GNAQ: variants seen among roughly 807,000 people sequenced by gnomAD.
GNAQ encodes guanine nucleotide-binding protein G(q) subunit alpha.
In GNAQ, 8 loss-of-function variants were observed where a neutral mutation model predicts 43.9. That is an observed-to-expected ratio of 0.18 (90% CI 0.11 to 0.33). GNAQ has a LOEUF of 0.33. Among genes scored for constraint, GNAQ ranks in the 10% least tolerant of loss-of-function variants. The probability of loss-of-function intolerance (pLI) is 1.00; values close to 1 mark genes in which losing one functional copy is unlikely to be tolerated. For missense variants in GNAQ, 158 were observed against 450.8 expected (o/e 0.35, Z 5.88); for synonymous variants, 155 against 170.7 (o/e 0.91, Z 0.71).
chr9:77,725,076 T>C (rs1825377449), intron 6 of GNAQ, among the ~76,000 whole-genome samples: 1 of 152,094 alleles, frequency 6.6e-6, no homozygotes, highest in Admixed American at 6.6e-5. Context: ...AGGAAGGGAC[T>C]ATACCTTTTT....
chr9:77,982,532 T>C (rs979829566), intron 1 of GNAQ, among the ~76,000 whole-genome samples: 3 of 152,168 alleles, frequency 2.0e-5, no homozygotes, highest in African/African-American at 4.8e-5. Context: ...ACCACCATTC[T>C]ATCTTAGAAG....
intron 5 of GNAQ, among the ~76,000 whole-genome samples, chr9:77,766,604 G>C (rs1826140936): frequency 6.6e-6 from 1 of 152,106 alleles, no homozygotes; most frequent in South Asian, 2.1e-4. Context: ...TGTGTTCCAG[G>C]CTGGGCTCAA....
rs921425299 is a variant in GNAQ at position 77,830,262 on chromosome 9, T to C, written c.322-14492A>G. 3.9e-5 allele frequency among the ~76,000 whole-genome samples: 6 copies of C among 152,132 alleles called. No individual in the cohort carries two copies. The South Asian group carries it at 1.2e-3, about 32-fold the overall frequency. ...GCCACTGTGGTTGGCCTGGCCAAGG[T>C]TTTCTAATGCCCCCCCAAGTGGTCT... On this transcript the variant is annotated intron_variant, in intron 2 of 6. Transcript: ENST00000286548.
intron 1 of GNAQ, among the ~76,000 whole-genome samples, chr9:78,028,890 G>GT (rs143512647): frequency 0.06 from 9,071 of 152,186 alleles, 310 homozygotes; most frequent in African/African-American, 0.065. Flanking sequence ...CAGAAATAGT[G>GT]TAAGTATTGT....
chr9:77,812,373 T>G (rs1826942849), intron 3 of GNAQ, among the ~76,000 whole-genome samples: 1 of 152,130 alleles, frequency 6.6e-6, no homozygotes, highest in Non-Finnish European at 1.5e-5. Flanking sequence ...GGTAAACAAG[T>G]GTACAACATC....
chr9:77,977,019 G>A (rs560830823), intron 1 of GNAQ, among the ~76,000 whole-genome samples: 1 of 152,286 alleles, frequency 6.6e-6, no homozygotes, highest in African/African-American at 2.4e-5. Flanking sequence ...AGAGAAATCT[G>A]CAGCTACAAT....
chr9:78,008,681 T>C (rs1253297775), intron 1 of GNAQ, among the ~76,000 whole-genome samples: 2 of 152,154 alleles, frequency 1.3e-5, no homozygotes, highest in Non-Finnish European at 2.9e-5. Flanking sequence ...TACAGTAGCA[T>C]GATCTCAGCT....
intron 1 of GNAQ, among the ~76,000 whole-genome samples, chr9:77,966,897 G>A (rs1453768394): frequency 6.6e-6 from 1 of 152,144 alleles, no homozygotes; most frequent in Admixed American, 6.5e-5. Context: ...CTGCCCACCA[G>A]GTCCACTGCC....
At chr9:77,746,523 T>C (rs1251083401) in intron 5 of GNAQ, among the ~76,000 whole-genome samples, 1 of 151,926 alleles carries the variant, frequency 6.6e-6, no homozygotes. Context: ...GTCAGTGAAT[T>C]AGAAAAGAAT....
At position 77,942,387 on chromosome 9, in the gene GNAQ, A is replaced by G. The variant is rs1448024545; in HGVS notation, c.137-20042T>C. ...GGAATGATTTTACTAGTGAGCCATTAGCAGAACATGTTTTGGGTTGAGTTG... is the reference window on the plus strand; with the variant it reads ...GGAATGATTTTACTAGTGAGCCATTGGCAGAACATGTTTTGGGTTGAGTTG... On this transcript the variant is annotated intron_variant, in intron 1 of 6. Transcript: ENST00000286548. Among the ~76,000 whole-genome samples the G allele has an allele frequency of 2.6e-5, 4 of 152,238 alleles. No homozygotes were observed. The East Asian group carries it at 7.7e-4, about 29-fold the overall frequency.
chr9:77,904,351 G>A (rs1470694226), intron 2 of GNAQ, among the ~76,000 whole-genome samples: 1 of 46,652 alleles, frequency 2.1e-5, no homozygotes, highest in Non-Finnish European at 3.6e-5. Context: ...TTTTTTTTGT[G>A]AGACAGAGTC....
intron 2 of GNAQ, among the ~76,000 whole-genome samples, chr9:77,846,961 T>G (rs957500222): frequency 6.6e-6 from 1 of 152,090 alleles, no homozygotes; most frequent in African/African-American, 2.4e-5. Context: ...ACCCAAGAAC[T>G]CGCCACCCCT....
rs565178869 is a variant in GNAQ at position 77,913,142 on chromosome 9, T to C, written c.321+9019A>G. 1.6e-3 allele frequency among the ~76,000 whole-genome samples: 244 copies of C among 152,194 alleles called. 2 individuals are homozygous for C. Among genetic ancestry groups the C allele is most frequent in the African/African-American group, 5.0e-3 (207 of 41,514 alleles). ...GGCAGTATCTACGTACTAAAACTGA[T>C]TATATGCATACTTTCTGACTCAGGA... On this transcript the variant is annotated intron_variant, in intron 2 of 6. Transcript: ENST00000286548.
chr9:77,983,883 G>C (rs1239369458), intron 1 of GNAQ, among the ~76,000 whole-genome samples: 2 of 151,748 alleles, frequency 1.3e-5, no homozygotes, highest in South Asian at 2.1e-4. Flanking sequence ...TCCACTCCAA[G>C]AGACAGGAAG....
chr9:77,996,417 C>T (rs910741497), intron 1 of GNAQ, among the ~76,000 whole-genome samples: 7 of 152,190 alleles, frequency 4.6e-5, no homozygotes, highest in South Asian at 4.1e-4. Context: ...CGGTGGCTCA[C>T]GCCTGTAATC....
chr9:77,976,257 C>T (rs1044134578), intron 1 of GNAQ, among the ~76,000 whole-genome samples: 1 of 152,224 alleles, frequency 6.6e-6, no homozygotes, highest in Non-Finnish European at 1.5e-5. Context: ...ATGTTCAGCT[C>T]ATTTTCAACA....
intron 5 of GNAQ, among the ~76,000 whole-genome samples, chr9:77,749,115 GT>G (rs1370442395): frequency 6.6e-6 from 1 of 152,182 alleles, no homozygotes; most frequent in African/African-American, 2.4e-5. Flanking sequence ...TGGGAAGGCT[GT>G]GGGGTCTTCA....
intron 1 of GNAQ, among the ~76,000 whole-genome samples, chr9:77,951,415 A>G (rs532391959): frequency 1.3e-4 from 20 of 152,150 alleles, no homozygotes; most frequent in Non-Finnish European, 2.6e-4. Flanking sequence ...TTATTTTAAT[A>G]AATCAGTTAT....
At position 77,798,371 on chromosome 9, in the gene GNAQ, G is replaced by C. The variant is rs1160129636; in HGVS notation, c.477-723C>G. On this transcript the variant is annotated intron_variant, in intron 3 of 6. Coordinates refer to ENST00000286548, the MANE Select transcript of GNAQ (RefSeq NM_002072.5). ...CACAAGAAGTTGCAAAAATATTACA[G>C]AACATTTCCCTGTACCCTTTACCCA... Among the ~76,000 whole-genome samples, 3 of 152,166 alleles carry C rather than the reference G, an allele frequency of 2.0e-5. No homozygotes were observed. In the East Asian group the frequency reaches 5.8e-4, roughly 29 times the overall value.
Sources: allele counts gnomAD v4.1 joint callset (sites outside exome capture counted in the v4.1 genomes callset), GRCh38; gene constraint gnomAD v4.1.1; transcripts MANE v1.5; gene names NCBI Gene and HGNC (gene_info 2026-07-23, HGNC 2026-07-21).